Variants in CAMKMT observed in about 807,000 individuals in gnomAD.
The protein encoded by CAMKMT is CaM KMT.
A neutral mutation model predicts 48.0 loss-of-function variants in CAMKMT; 53 were observed. The ratio of observed to expected loss-of-function variants is 1.10; its 90% confidence interval spans 0.89 to 1.39. The LOEUF is 1.39. CAMKMT is among the 40% of genes most tolerant of loss of function. CAMKMT has a pLI of 0.00. For synonymous variants in CAMKMT, 165 were observed against 152.3 expected (o/e 1.08, Z -0.61); for missense variants, 428 against 402.7 (o/e 1.06, Z -0.54).
In CAMKMT at chr2:44,698,015, A is replaced by T. The variant is rs146461714; in HGVS notation, c.377-6268A>T. 1.9e-3 allele frequency among the ~76,000 whole-genome samples: 284 copies of T among 152,002 alleles called. 2 individuals carry two copies. The highest frequency in any genetic ancestry group is 6.4e-3 in the African/African-American group (265 of 41,580). ...ATAGATCCCAATGGCTCTTTAAACT[A>T]TGTGTCTCTATAACTAATTTGAAAA... On this transcript the variant is annotated intron_variant, in intron 3 of 10. Coordinates refer to ENST00000378494, the MANE Select transcript of CAMKMT (RefSeq NM_024766.5).
intron 3 of CAMKMT, among the ~76,000 whole-genome samples, chr2:44,481,293 T>C (rs1171003743): frequency 1.3e-5 from 2 of 152,120 alleles, no homozygotes; most frequent in Admixed American, 1.3e-4. Context: ...TATGTTCATA[T>C]AAAATCTATT....
intron 3 of CAMKMT, among the ~76,000 whole-genome samples, chr2:44,443,778 A>T (rs1666815426): frequency 2.0e-5 from 3 of 152,180 alleles, no homozygotes. Flanking sequence ...TTGTAACATG[A>T]AAATGTTATG....
chr2:44,604,649 C>A (rs1297753247), intron 3 of CAMKMT, among the ~76,000 whole-genome samples: 8 of 151,218 alleles, frequency 5.3e-5, no homozygotes, highest in South Asian at 2.1e-4. Flanking sequence ...AGATTCTGAA[C>A]CATTAATATA....
At chr2:44,407,621 T>G (rs1682873050) in intron 3 of CAMKMT, among the ~76,000 whole-genome samples, 1 of 152,152 alleles carries the variant, frequency 6.6e-6, no homozygotes, top group East Asian at 1.9e-4. Flanking sequence ...AAACATTTAG[T>G]TTACTTTATT....
chr2:44,586,103 G>A (rs1051268528), intron 3 of CAMKMT, among the ~76,000 whole-genome samples: 6 of 152,150 alleles, frequency 3.9e-5, no homozygotes, highest in African/African-American at 1.2e-4. Flanking sequence ...ATGTACAGAG[G>A]TACGATTTGC....
intron 3 of CAMKMT, among the ~76,000 whole-genome samples, chr2:44,410,170 G>C (rs1175895794): frequency 7.8e-6 from 1 of 127,948 alleles, no homozygotes; most frequent in Non-Finnish European, 1.6e-5. Flanking sequence ...GAATGTGAGA[G>C]ACCAGTAATC....
intron 3 of CAMKMT, among the ~76,000 whole-genome samples, chr2:44,515,330 T>C (rs1670781493): frequency 6.6e-6 from 1 of 152,172 alleles, no homozygotes; most frequent in Non-Finnish European, 1.5e-5. Flanking sequence ...GGTAGAACTT[T>C]GGATTTGGGT....
chr2:44,724,697 A>G (rs897035490), intron 7 of CAMKMT, among the ~76,000 whole-genome samples: 1 of 152,200 alleles, frequency 6.6e-6, no homozygotes, highest in Non-Finnish European at 1.5e-5. Context: ...CTGAATTTCT[A>G]TGGTATCATC....
intron 3 of CAMKMT, among the ~76,000 whole-genome samples, chr2:44,582,481 T>C (rs1669619847): frequency 6.6e-6 from 1 of 152,204 alleles, no homozygotes; most frequent in Admixed American, 6.5e-5. Flanking sequence ...TGCCAACTTC[T>C]GGGCCATTGT....
intron 3 of CAMKMT, chr2:44,631,457 GA>G (rs145937282): frequency 0.018 from 10,284 of 569,216 alleles, 458 homozygotes; most frequent in African/African-American, 0.13. Flanking sequence ...GTTTAAATAA[GA>G]AAAAAAAACA....
chr2:44,517,482 C>A (rs1670890786), intron 3 of CAMKMT, among the ~76,000 whole-genome samples: 1 of 152,176 alleles, frequency 6.6e-6, no homozygotes, highest in Non-Finnish European at 1.5e-5. Flanking sequence ...AAACCAAAGT[C>A]AAAAAGATGG....
chr2:44,527,270 T>C (rs1166723502), intron 3 of CAMKMT, among the ~76,000 whole-genome samples: 1 of 144,450 alleles, frequency 6.9e-6, no homozygotes, highest in African/African-American at 2.5e-5. Flanking sequence ...AATATATATA[T>C]GTTATATATA....
At chr2:44,755,876 T>C (rs1680353884) in intron 9 of CAMKMT, among the ~76,000 whole-genome samples, 1 of 152,074 alleles carries the variant, frequency 6.6e-6, no homozygotes, top group African/African-American at 2.4e-5. Context: ...TTACTCCTGC[T>C]ATGAGAGGAA....
In CAMKMT at chr2:44,627,215, T is replaced by G. The variant is rs111350188; in HGVS notation, c.377-77068T>G. Among the ~76,000 whole-genome samples the G allele has an allele frequency of 2.0e-3, 310 of 152,356 alleles. 1 individual carries two copies. The Middle Eastern group carries it at 0.024, about 12-fold the overall frequency. On this transcript the variant is annotated intron_variant, in intron 3 of 10. Transcript: ENST00000378494. ...ACCTTACAGAATAGGGATTAGATAC[T>G]GTTTTATCATAAGGTATTATCCTTT...
intron 3 of CAMKMT, among the ~76,000 whole-genome samples, chr2:44,639,231 A>G (rs1483988944): frequency 6.6e-6 from 1 of 152,222 alleles, no homozygotes; most frequent in Non-Finnish European, 1.5e-5. Context: ...TGGGCAAGGA[A>G]TTAATTTATT....
intron 3 of CAMKMT, among the ~76,000 whole-genome samples, chr2:44,506,796 A>C (rs2104756663): frequency 6.6e-6 from 1 of 152,262 alleles, no homozygotes; most frequent in South Asian, 2.1e-4. Flanking sequence ...CTCTGTTTAA[A>C]CCGTTCTTGC....
chr2:44,392,828 G>C (rs1162074659), intron 3 of CAMKMT, among the ~76,000 whole-genome samples: 1 of 151,912 alleles, frequency 6.6e-6, no homozygotes, highest in Non-Finnish European at 1.5e-5. Flanking sequence ...TTCCATACAA[G>C]AGTATCAGTT....
intron 2 of CAMKMT, among the ~76,000 whole-genome samples, chr2:44,386,023 C>T (rs369473539): frequency 6.6e-6 from 1 of 152,086 alleles, no homozygotes; most frequent in South Asian, 2.1e-4. Flanking sequence ...ATTTCTTTAG[C>T]TTGTGGAATA....
intron 3 of CAMKMT, among the ~76,000 whole-genome samples, chr2:44,460,883 C>G (rs1381744883): frequency 6.6e-6 from 1 of 152,020 alleles, no homozygotes; most frequent in Admixed American, 6.6e-5. Context: ...CCACCACACC[C>G]AGCTAATTTT....
Sources: gnomAD v4.1 joint callset for allele counts (sites outside exome capture counted in the v4.1 genomes callset) on GRCh38, gnomAD v4.1.1 for gene constraint, MANE v1.5 for transcripts, NCBI Gene and HGNC (gene_info 2026-07-23, HGNC 2026-07-21) for gene names.